The following ADAR variants were observed in gnomAD, a reference collection of about 807,000 sequenced individuals.
The protein encoded by ADAR is double-stranded RNA-specific adenosine deaminase.
A neutral mutation model predicts 113.2 loss-of-function variants in ADAR; 41 were observed. That is an observed-to-expected ratio of 0.36 (90% CI 0.28 to 0.47). The LOEUF (loss-of-function observed/expected upper bound fraction) is 0.47, where lower values mean the gene tolerates loss of function less well. Ranked by LOEUF, ADAR falls within the 20% of genes least tolerant of loss-of-function variation. The pLI, the probability that ADAR is intolerant of heterozygous loss-of-function variation, is 1.00. For missense variants in ADAR, 1,242 were observed against 1,540.9 expected (o/e 0.81, Z 3.25); for synonymous variants, 605 against 572.6 (o/e 1.06, Z -0.81).
upstream of ADAR, among the ~76,000 whole-genome samples, chr1:154,610,713 C>T (rs140317523): frequency 3.4e-4 from 48 of 143,194 alleles, no homozygotes; most frequent in East Asian, 0.01. Flanking sequence ...GGGAGGCTGA[C>T]GTGGTAGAAA....
chr1:154,627,939 C>G, exon 1 of ADAR: 1 of 513,458 alleles, frequency 1.9e-6, no homozygotes, highest in South Asian at 1.4e-5. Context: ...TCCCCCACCA[C>G]GTAGCCTTCT....
Position 154,601,177 on chromosome 1 carries a change from G to A in ADAR, c.1465C>T (p.Arg489Trp), listed in dbSNP as rs1168851805. Residue 489 changes from arginine to tryptophan, a missense_variant, in exon 2 of 15, where the codon CGG (arginine) becomes TGG (tryptophan). Around this residue, in one of 2 missense-constraint regions of ADAR, gnomAD observed 780 missense variants for 1,057.9 expected, o/e 0.74. Transcript: ENST00000368474. This position sits in a 1 kb window ranked among gnomAD's most constrained non-coding sequence, Gnocchi z 4.7. ...MPSFYSHGLP[R>W]CSPYKKLTEC... Reference sequence around the variant, plus strand: ...GTCAGTTTCTTGTAGGGTGAACACCGTGGCAAGCCATGACTGTAGAAGGAG... The same window carrying A: ...GTCAGTTTCTTGTAGGGTGAACACCATGGCAAGCCATGACTGTAGAAGGAG... 12 of 1,614,104 alleles carry A rather than the reference G, an allele frequency of 7.4e-6. No individual in the cohort carries two copies. Among genetic ancestry groups the A allele is most frequent in the Non-Finnish European group, 1.0e-5 (12 of 1,180,052 alleles).
intron 1 of ADAR, among the ~76,000 whole-genome samples, chr1:154,626,029 C>T (rs1432043011): frequency 6.6e-6 from 1 of 150,642 alleles, no homozygotes; most frequent in East Asian, 1.9e-4. Flanking sequence ...AAAAAATTAG[C>T]CAGGCATGGT....
Position 154,586,207 on chromosome 1 carries a change from G to A in ADAR, c.3176C>T (p.Pro1059Leu). 6.2e-7 allele frequency: 1 copy of A among 1,614,206 alleles called. No homozygotes were observed. The highest frequency in any genetic ancestry group is 8.5e-7 in the Non-Finnish European group (1 of 1,180,032). The change falls in exon 12 of 15, where the codon CCC (proline) becomes CTC (leucine). Residue 1059 changes from proline (P) to leucine (L), a missense_variant. Pro to Leu is a moderately conservative substitution (Grantham distance 98). Coordinates refer to ENST00000368474, the MANE Select transcript of ADAR (RefSeq NM_001111.5). Reference sequence around the variant, plus strand: ...CAATGTGACAGATTTGAGATAAATGGGCTGCAGGAAGTGGGTCAACAGTGC... The same window carrying A: ...CAATGTGACAGATTTGAGATAAATGAGCTGCAGGAAGTGGGTCAACAGTGC... ...QGALLTHFLQ[P>L]IYLKSVTLGY...
At chr1:154,587,070 CCA>C (rs1319791597) in intron 11 of ADAR, among the ~76,000 whole-genome samples, 3 of 152,196 alleles carry the variant, frequency 2.0e-5, no homozygotes, top group African/African-American at 7.2e-5. Flanking sequence ...GCAACTGTCA[CCA>C]CAGTCAATTT....
chr1:154,606,195 C>T (rs1358733590), intron 1 of ADAR, among the ~76,000 whole-genome samples: 1 of 152,138 alleles, frequency 6.6e-6, no homozygotes, highest in African/African-American at 2.4e-5. Flanking sequence ...GCGCACGCCA[C>T]CACACCCAGC....
At position 154,584,747 on chromosome 1, in the gene ADAR, G is replaced by C. The variant is rs200722950; in HGVS notation, c.*59C>G. The C allele has an allele frequency of 2.2e-5, 31 of 1,394,310 alleles. No individual in the cohort carries two copies. Among genetic ancestry groups the C allele is most frequent in the African/African-American group, 1.0e-4 (7 of 70,256 alleles). The allele number at this position is 1,394,310 out of a possible 1,614,324, so 86.4% of individuals were successfully genotyped here. A position where few individuals can be genotyped will look rare whatever the true frequency, so the allele number is the denominator to read the frequency against. On this transcript the variant is annotated 3_prime_UTR_variant, in exon 15 of 15. Coordinates refer to ENST00000368474, the MANE Select transcript of ADAR (RefSeq NM_001111.5). The stretch of plus-strand genomic sequence containing the variant: ...CTGACCATGTGATGAGGAATGCTAC[G>C]ACCTACCTCTCTCACACCCTAGTAT...
Position 154,602,438 on chromosome 1 carries a change from G to C in ADAR, c.204C>G (p.Leu68=). The change falls in exon 2 of 15, where the codon CTC becomes CTG. Residue 68 remains leucine, a synonymous_variant. Transcript: ENST00000368474. ...GKQTPSLPPS[L]PGLRPRFPVL... Reference sequence around the variant, plus strand: ...CTGGAAACCTTGGCCGGAGTCCTGGGAGGGAAGGTGGCAGTGACGGTGTCT... The same window carrying C: ...CTGGAAACCTTGGCCGGAGTCCTGGCAGGGAAGGTGGCAGTGACGGTGTCT... 1 of 1,612,236 alleles carries C rather than the reference G, an allele frequency of 6.2e-7. No individual in the cohort carries two copies. The highest frequency in any genetic ancestry group is 8.5e-7 in the Non-Finnish European group (1 of 1,178,838).
intron 1 of ADAR, among the ~76,000 whole-genome samples, chr1:154,627,374 C>T (rs748443163): frequency 6.6e-6 from 1 of 152,204 alleles, no homozygotes; most frequent in African/African-American, 2.4e-5. Context: ...GCGATGTTAT[C>T]TCTGGGATAA....
intron 9 of ADAR, 73 bp downstream of exon 9, chr1:154,589,296 C>A: frequency 8.2e-7 from 1 of 1,216,202 alleles, no homozygotes; most frequent in Non-Finnish European, 1.2e-6. Context: ...GAGGCCGTGT[C>A]AGAGCCATGT....
upstream of ADAR, chr1:154,608,346 G>C (rs1295972622): frequency 2.5e-5 from 8 of 316,490 alleles, no homozygotes; most frequent in Non-Finnish European, 4.4e-5. Context: ...TTTTTTTTTT[G>C]AGGCGGAGTC....
Position 154,589,773 on chromosome 1 carries a change from G to A in ADAR, c.2652C>T (p.Val884=), listed in dbSNP as rs369415788. ...CTCACTCACCTGTTCCCAAGCTGAC[G>A]ACGACACCCATGTCCTCAGAGTCTT... The part of the protein sequence containing the change: ...MKKDSEDMGV[V]VSLGTGNRCV... Residue 884 remains valine, a synonymous_variant, in exon 8 of 15, where the codon GTC becomes GTT. Transcript: ENST00000368474. 14 of 1,614,108 alleles carry A rather than the reference G, an allele frequency of 8.7e-6. No individual in the cohort carries two copies. The highest frequency in any genetic ancestry group is 6.7e-5 in the African/African-American group (5 of 75,026).
intron 10 of ADAR, 101 bp from the exon 11 acceptor site, chr1:154,588,359 A>G: frequency 1.3e-6 from 2 of 1,575,882 alleles, no homozygotes; most frequent in East Asian, 4.5e-5. Context: ...GATGTTTTCT[A>G]AGGCCTACCA....
Position 154,602,397 on chromosome 1 carries a change from C to A in ADAR, c.245G>T (p.Ser82Ile), listed in dbSNP as rs778198349. ...RPRFPVLLASSTRGRQVDIRG... is the reference protein window; with the variant it reads ...RPRFPVLLASITRGRQVDIRG... ...GATGTCCACTTGCCTGCCTCTGGTACTGGAGGCAAGTAGTACTGGAAACCT... is the reference window on the plus strand; with the variant it reads ...GATGTCCACTTGCCTGCCTCTGGTAATGGAGGCAAGTAGTACTGGAAACCT... The change falls in exon 2 of 15, where the codon AGT (serine) becomes ATT (isoleucine). Residue 82 changes from serine to isoleucine, a missense_variant. Physicochemically the swap from Ser to Ile is moderately radical, Grantham distance 142 (BLOSUM62 -2). Coordinates refer to ENST00000368474, the MANE Select transcript of ADAR (RefSeq NM_001111.5). The A allele has an allele frequency of 6.2e-7, 1 of 1,603,874 alleles. No individual in the cohort carries two copies. Among genetic ancestry groups the A allele is most frequent in the Non-Finnish European group, 8.5e-7 (1 of 1,174,012 alleles).
intron 6 of ADAR, among the ~76,000 whole-genome samples, chr1:154,592,716 G>A (rs1319650849): frequency 2.0e-5 from 3 of 152,128 alleles, no homozygotes; most frequent in African/African-American, 4.8e-5. Context: ...GAAATGAAGC[G>A]AAGGGGGCAA....
At chr1:154,599,463 T>TA (rs1166871014) in intron 2 of ADAR, among the ~76,000 whole-genome samples, 1 of 152,238 alleles carries the variant, frequency 6.6e-6, no homozygotes, top group Non-Finnish European at 1.5e-5. Context: ...ATCCAGTCTC[T>TA]ACCCCAAACA....
chr1:154,622,121 T>C (rs1698805007), intron 1 of ADAR, among the ~76,000 whole-genome samples: 1 of 152,062 alleles, frequency 6.6e-6, no homozygotes, highest in South Asian at 2.1e-4. Flanking sequence ...GAGCAGCCTA[T>C]GTCCTGAAAA....
intron 14 of ADAR, 46 bp downstream of exon 14, chr1:154,585,171 G>A (rs368716872): frequency 4.3e-6 from 7 of 1,614,166 alleles, no homozygotes; most frequent in East Asian, 2.2e-5. Flanking sequence ...ACCCTTGCAA[G>A]TCAGGGCAGA....
chr1:154,617,126 C>T (rs540458801), intron 1 of ADAR, among the ~76,000 whole-genome samples: 1 of 152,232 alleles, frequency 6.6e-6, no homozygotes, highest in Non-Finnish European at 1.5e-5. Flanking sequence ...CCCCTGCAAG[C>T]GTCCTGTCCT....
Sources: gnomAD v4.1 joint callset for allele counts (sites outside exome capture counted in the v4.1 genomes callset) on GRCh38, gnomAD v4.1.1 for gene constraint, gnomAD v4.1.1 regional missense constraint, Gnocchi (gnomAD v3.1) non-coding constraint, MANE v1.5 for transcripts, NCBI Gene and HGNC (gene_info 2026-07-23, HGNC 2026-07-21) for gene names.